The following CDH13 variants were observed in gnomAD, a reference collection of about 807,000 sequenced individuals.
CDH13 encodes cadherin-13.
A neutral mutation model predicts 63.8 loss-of-function variants in CDH13; 24 were observed. The ratio of observed to expected loss-of-function variants is 0.38; its 90% CI spans 0.27 to 0.53. CDH13 has a LOEUF of 0.53. Among genes scored for constraint, CDH13 ranks in the 20% least tolerant of loss-of-function variants. The pLI is 0.85. For missense variants in CDH13, 1,049 were observed against 903.1 expected (o/e 1.16, Z -2.07); for synonymous variants, 503 against 355.3 (o/e 1.42, Z -4.67).
intron 1 of CDH13, among the ~76,000 whole-genome samples, chr16:82,762,088 G>A (rs906126305): frequency 6.6e-6 from 1 of 152,150 alleles, no homozygotes. Flanking sequence ...AGCTAGAAAG[G>A]AAGCAGCTAG....
intron 11 of CDH13, among the ~76,000 whole-genome samples, chr16:83,749,869 G>C (rs775822743): frequency 6.6e-6 from 1 of 152,168 alleles, no homozygotes; most frequent in Non-Finnish European, 1.5e-5. Context: ...CCTGAGAGAG[G>C]GGACATCTCA....
intron 5 of CDH13, among the ~76,000 whole-genome samples, chr16:83,337,078 G>T (rs1006619075): frequency 6.6e-6 from 1 of 152,240 alleles, no homozygotes; most frequent in Non-Finnish European, 1.5e-5. Context: ...TTTGTAATTT[G>T]GTTCATTATG....
chr16:82,749,652 C>G lies in CDH13; in HGVS notation c.46-108710C>G, dbSNP rs376708468. 7.2e-5 allele frequency among the ~76,000 whole-genome samples: 11 copies of G among 152,304 alleles called. No homozygotes were observed. In the East Asian group the frequency reaches 2.1e-3, roughly 29 times the overall value. ...AATAGGTGTCCCTACTTCTGAGTTT[C>G]CATTGCATTATGTATATATTTTCCT... On this transcript the variant is annotated intron_variant, in intron 1 of 13. Transcript: ENST00000567109.
intron 1 of CDH13, chr16:82,844,735 G>C (rs1407676774): frequency 6.9e-6 from 1 of 145,402 alleles, no homozygotes; most frequent in Non-Finnish European, 1.5e-5. Context: ...CGCCTCCCGG[G>C]TTCACGCTAT....
At chr16:83,273,376 G>A (rs761264054) in intron 5 of CDH13, among the ~76,000 whole-genome samples, 12 of 151,710 alleles carry the variant, frequency 7.9e-5, no homozygotes, top group African/African-American at 1.2e-4. Flanking sequence ...TTTTGTTCCC[G>A]TCTTAGTGTC....
At chr16:83,472,386 A>G (rs768218834) in intron 6 of CDH13, among the ~76,000 whole-genome samples, 1 of 152,230 alleles carries the variant, frequency 6.6e-6, no homozygotes, top group Non-Finnish European at 1.5e-5. Context: ...AGGGGAATTG[A>G]TGAATAGATC....
At chr16:83,360,793 C>CT (rs2091147358) in intron 6 of CDH13, among the ~76,000 whole-genome samples, 2 of 152,252 alleles carry the variant, frequency 1.3e-5, no homozygotes, top group South Asian at 4.1e-4. Flanking sequence ...TGAGTTCATT[C>CT]TTTTCTATGG....
At chr16:83,375,078 T>C (rs1283993446) in intron 6 of CDH13, among the ~76,000 whole-genome samples, 2 of 152,224 alleles carry the variant, frequency 1.3e-5, no homozygotes, top group African/African-American at 4.8e-5. Flanking sequence ...TTTAAGTTTC[T>C]TTAATTCTGT....
At chr16:83,434,038 G>A (rs547290927) in intron 6 of CDH13, among the ~76,000 whole-genome samples, 2 of 152,138 alleles carry the variant, frequency 1.3e-5, no homozygotes, top group African/African-American at 2.4e-5. Context: ...TTTATAAGGT[G>A]AGAGGTTTCC....
intron 6 of CDH13, among the ~76,000 whole-genome samples, chr16:83,428,946 G>T (rs748730418): frequency 6.6e-6 from 1 of 152,190 alleles, no homozygotes; most frequent in Non-Finnish European, 1.5e-5. Flanking sequence ...AACTCTAGGG[G>T]TTTGTTCGGT....
chr16:83,007,740 C>T (rs897663393), intron 2 of CDH13, among the ~76,000 whole-genome samples: 1 of 151,342 alleles, frequency 6.6e-6, no homozygotes, highest in African/African-American at 2.4e-5. Flanking sequence ...GGGAGGATCA[C>T]TTGAACCCAG....
chr16:83,157,582 C>T (rs2037258903), intron 4 of CDH13, among the ~76,000 whole-genome samples: 2 of 151,952 alleles, frequency 1.3e-5, no homozygotes, highest in Admixed American at 1.3e-4. Flanking sequence ...AGGAAAATAC[C>T]ACATTGCCTA....
chr16:82,999,532 G>GAA (rs140814249), intron 2 of CDH13, among the ~76,000 whole-genome samples: 3 of 151,730 alleles, frequency 2.0e-5, no homozygotes, highest in African/African-American at 7.3e-5. Context: ...TAAAACACTG[G>GAA]AAAAAAATCA....
chr16:83,551,216 G>T (rs549449869), intron 7 of CDH13, among the ~76,000 whole-genome samples: 2 of 152,056 alleles, frequency 1.3e-5, no homozygotes, highest in East Asian at 3.9e-4. Flanking sequence ...CAAGTAGCTG[G>T]GATCACAGGT....
intron 1 of CDH13, among the ~76,000 whole-genome samples, chr16:82,745,229 G>A (rs2034109118): frequency 2.0e-5 from 3 of 152,166 alleles, no homozygotes; most frequent in Admixed American, 2.0e-4. Flanking sequence ...CATTCCAATG[G>A]TAGCCGCTTT....
In CDH13 at chr16:83,217,473, C is replaced by T; in HGVS notation, c.612C>T (p.Asp204=). 2 of 1,613,776 alleles carry T rather than the reference C, an allele frequency of 1.2e-6. No homozygotes were observed. Among genetic ancestry groups the T allele is most frequent in the Non-Finnish European group, 1.7e-6 (2 of 1,179,750 alleles). ...TGSVSVTRTL[D]REVIAVYQLF... ...GCGTCTCCGTGACACGGACCTTGGA[C>T]AGAGAAGTAATCGCTGTTTATCAAG... The change falls in exon 5 of 14, where the codon GAC becomes GAT. Residue 204 remains aspartate (D), a synonymous_variant. Transcript: ENST00000567109.
intron 10 of CDH13, among the ~76,000 whole-genome samples, chr16:83,728,049 A>T (rs1006563764): frequency 1.3e-5 from 2 of 152,224 alleles, no homozygotes; most frequent in African/African-American, 4.8e-5. Context: ...ACAAAGAGCC[A>T]CAGCTCCTCT....
intron 3 of CDH13, among the ~76,000 whole-genome samples, chr16:83,120,082 G>A (rs767082666): frequency 2.0e-5 from 3 of 151,570 alleles, no homozygotes; most frequent in African/African-American, 2.4e-5. Flanking sequence ...CCAGAGAGTC[G>A]ACATGCACAT....
intron 6 of CDH13, among the ~76,000 whole-genome samples, chr16:83,422,947 T>C (rs916410921): frequency 6.6e-6 from 1 of 152,182 alleles, no homozygotes; most frequent in African/African-American, 2.4e-5. Flanking sequence ...ACCCACTATA[T>C]GTAAAACACT....
Sources: gnomAD v4.1 joint callset for allele counts (sites outside exome capture counted in the v4.1 genomes callset) on GRCh38, gnomAD v4.1.1 for gene constraint, MANE v1.5 for transcripts, NCBI Gene and HGNC (gene_info 2026-07-23, HGNC 2026-07-21) for gene names.